Variants in SH3RF3 observed in about 807,000 individuals in gnomAD.
SH3RF3 encodes the protein SH3 domain containing ring finger 3.
In SH3RF3, 29 loss-of-function variants were observed where a neutral mutation model predicts 66.3. The observed-to-expected ratio is 0.44, with a 90% CI of 0.33 to 0.60. The LOEUF is 0.60. Among genes scored for constraint, SH3RF3 ranks in the 20% least tolerant of loss-of-function variants. The pLI is 0.04. For synonymous variants in SH3RF3, 583 were observed against 532.0 expected (o/e 1.10, Z -1.32); for missense variants, 1,194 against 1,190.9 (o/e 1.00, Z -0.04).
chr2:109,266,988 T>C (rs1369465876), intron 1 of SH3RF3, among the ~76,000 whole-genome samples: 3 of 152,182 alleles, frequency 2.0e-5, no homozygotes, highest in Admixed American at 2.0e-4. Context: ...CAAATCTGTG[T>C]CTTTATAAGA....
chr2:109,188,405 G>A (rs1204825581), intron 1 of SH3RF3, among the ~76,000 whole-genome samples: 1 of 152,224 alleles, frequency 6.6e-6, no homozygotes, highest in Non-Finnish European at 1.5e-5. Context: ...GCTCAGCGGG[G>A]TCTGGGACCC....
chr2:109,228,541 T>C lies in SH3RF3; in HGVS notation c.573+98428T>C, dbSNP rs147014191. ...AGTTCTGACCCCTTCCATGTGGAGCTAGTATGGACCCTGCAGGTTAAGGGC... is the reference window on the plus strand; with the variant it reads ...AGTTCTGACCCCTTCCATGTGGAGCCAGTATGGACCCTGCAGGTTAAGGGC... On this transcript the variant is annotated intron_variant, in intron 1 of 9. Transcript: ENST00000309415. Among the ~76,000 whole-genome samples the C allele has an allele frequency of 3.0e-3, 461 of 152,316 alleles. 2 individuals carry two copies. Among genetic ancestry groups the C allele is most frequent in the African/African-American group, 0.01 (435 of 41,572 alleles).
At chr2:109,360,513 T>G (rs2105622899) in intron 2 of SH3RF3, among the ~76,000 whole-genome samples, 1 of 152,334 alleles carries the variant, frequency 6.6e-6, no homozygotes, top group East Asian at 1.9e-4. Flanking sequence ...GTGTTTAGAC[T>G]GGGGTCCCAT....
chr2:109,263,956 G>A (rs1680418427), intron 1 of SH3RF3, among the ~76,000 whole-genome samples: 2 of 152,162 alleles, frequency 1.3e-5, no homozygotes, highest in Admixed American at 1.3e-4. Flanking sequence ...GCAACAGAAC[G>A]AGTCTCCATC....
At chr2:109,490,032 C>G (rs988284248) in intron 8 of SH3RF3, among the ~76,000 whole-genome samples, 6 of 152,188 alleles carry the variant, frequency 3.9e-5, no homozygotes, top group African/African-American at 1.4e-4. Flanking sequence ...GCCACCGTGC[C>G]CAGCCTGGAT....
At chr2:109,312,114 A>G (rs1334276291) in intron 1 of SH3RF3, among the ~76,000 whole-genome samples, 3 of 152,184 alleles carry the variant, frequency 2.0e-5, no homozygotes, top group African/African-American at 7.2e-5. Flanking sequence ...TGTTAGTTCA[A>G]AAGTATGTCA....
chr2:109,264,427 G>A (rs756297839), intron 1 of SH3RF3, among the ~76,000 whole-genome samples: 1 of 151,996 alleles, frequency 6.6e-6, no homozygotes, highest in Non-Finnish European at 1.5e-5. Context: ...ACCTCCCCAC[G>A]ATCCACCCCA....
intron 2 of SH3RF3, among the ~76,000 whole-genome samples, chr2:109,365,957 G>A (rs563930911): frequency 2.0e-4 from 31 of 152,208 alleles, no homozygotes; most frequent in African/African-American, 7.2e-4. Context: ...TCATTTAGAA[G>A]CACAAGAAAA....
chr2:109,220,209 A>G (rs1241597297), intron 1 of SH3RF3, among the ~76,000 whole-genome samples: 1 of 152,220 alleles, frequency 6.6e-6, no homozygotes, highest in Non-Finnish European at 1.5e-5. Context: ...GTGCTGGGAA[A>G]ACTGGATATT....
chr2:109,134,334 A>G (rs1032499542), intron 1 of SH3RF3, among the ~76,000 whole-genome samples: 1 of 152,116 alleles, frequency 6.6e-6, no homozygotes. Context: ...CCAGAGGAAA[A>G]GGCTGGCACT....
At chr2:109,136,347 T>C (rs1217289342) in intron 1 of SH3RF3, among the ~76,000 whole-genome samples, 1 of 152,136 alleles carries the variant, frequency 6.6e-6, no homozygotes, top group Non-Finnish European at 1.5e-5. Context: ...TCAGATTTGA[T>C]GAATGTGAAA....
intron 1 of SH3RF3, among the ~76,000 whole-genome samples, chr2:109,134,137 A>G (rs925719796): frequency 1.3e-5 from 2 of 152,170 alleles, no homozygotes; most frequent in African/African-American, 4.8e-5. Context: ...CACCTTATGG[A>G]AAGTTCACAA....
At chr2:109,485,069 G>A (rs1241958408) in intron 8 of SH3RF3, among the ~76,000 whole-genome samples, 1 of 152,250 alleles carries the variant, frequency 6.6e-6, no homozygotes, top group East Asian at 1.9e-4. Flanking sequence ...GGGTTCTGCA[G>A]ATTGAGGTTC....
chr2:109,481,717 GCA>G (rs780567500), intron 8 of SH3RF3, among the ~76,000 whole-genome samples: 30 of 152,188 alleles, frequency 2.0e-4, no homozygotes, highest in Non-Finnish European at 4.3e-4. Context: ...CTTACAGAGA[GCA>G]CACTAAGTGC....
At chr2:109,246,264 G>A (rs936874302) in intron 1 of SH3RF3, among the ~76,000 whole-genome samples, 2 of 152,174 alleles carry the variant, frequency 1.3e-5, no homozygotes, top group African/African-American at 2.4e-5. Context: ...GACGCTGGTC[G>A]TCCAAGATCA....
rs776837938 is a variant in SH3RF3 at position 109,398,675 on chromosome 2, A to T, written c.1031A>T (p.Asp344Val). The change falls in exon 4 of 10, where the codon GAC (aspartate) becomes GTC (valine). Residue 344 changes from aspartate (D) to valine (V), a missense_variant. By Grantham distance (152) the Asp-to-Val change is radical. Transcript: ENST00000309415. ...ASSCNASLPS[D>V]SGAVASVAPS... ...AGCTGCAATGCCTCCCTGCCCTCTG[A>T]CTCCGGCGCTGTGGCCAGCGTGGCC... The T allele has an allele frequency of 6.2e-7, 1 of 1,609,134 alleles. No homozygotes were observed. The highest frequency in any genetic ancestry group is 1.1e-5 in the South Asian group (1 of 89,772).
At chr2:109,166,957 T>C (rs1677641294) in intron 1 of SH3RF3, among the ~76,000 whole-genome samples, 1 of 152,222 alleles carries the variant, frequency 6.6e-6, no homozygotes, top group Non-Finnish European at 1.5e-5. Context: ...TCTACCTTCT[T>C]GTAAAAGGGC....
In SH3RF3 at chr2:109,398,796, G is replaced by A. The variant is rs1293590205; in HGVS notation, c.1152G>A (p.Ala384=). ...CCAAGAAACGCCACTCCTTCACCGC[G>A]CTCAGTGTGACGCACAGATCCTCCC... ...KNTKKRHSFT[A]LSVTHRSSQA... Residue 384 remains alanine, a synonymous_variant, in exon 4 of 10, where the codon GCG becomes GCA. Transcript: ENST00000309415. 18 of 1,613,590 alleles carry A rather than the reference G, an allele frequency of 1.1e-5. No homozygotes were observed. The highest frequency in any genetic ancestry group is 4.0e-5 in the African/African-American group (3 of 74,928).
intron 1 of SH3RF3, among the ~76,000 whole-genome samples, chr2:109,272,496 C>G (rs1680649695): frequency 6.6e-6 from 1 of 152,224 alleles, no homozygotes; most frequent in African/African-American, 2.4e-5. Context: ...CCCTTCGCCT[C>G]TAACTGTGTG....
Sources: gnomAD v4.1 joint callset for allele counts (sites outside exome capture counted in the v4.1 genomes callset) on GRCh38, gnomAD v4.1.1 for gene constraint, MANE v1.5 for transcripts, NCBI Gene and HGNC (gene_info 2026-07-23, HGNC 2026-07-21) for gene names.